TTLL11: variants seen among roughly 807,000 people sequenced by gnomAD.
The protein encoded by TTLL11 is tubulin polyglutamylase TTLL11.
In TTLL11, 42 loss-of-function variants were observed where a neutral mutation model predicts 51.7. The ratio of observed to expected loss-of-function variants is 0.81; its 90% CI spans 0.64 to 1.05. TTLL11 has a LOEUF of 1.05. TTLL11 is among the 50% of genes least tolerant of loss of function. TTLL11 has a pLI of 0.00. For synonymous variants in TTLL11, 381 were observed against 383.5 expected (o/e 0.99, Z 0.08); for missense variants, 799 against 940.4 (o/e 0.85, Z 1.97).
chr9:122,066,166 G>C (rs369860907), intron 1 of TTLL11, among the ~76,000 whole-genome samples: 19 of 151,684 alleles, frequency 1.3e-4, no homozygotes, highest in African/African-American at 3.9e-4. Context: ...CCAGCTCAAA[G>C]GCTGGTGGAC....
intron 7 of TTLL11, among the ~76,000 whole-genome samples, chr9:121,861,035 T>C (rs1038566238): frequency 6.6e-6 from 1 of 151,984 alleles, no homozygotes; most frequent in Admixed American, 6.5e-5. Context: ...TTTGGTTAGT[T>C]ATGGGTCTAA....
chr9:122,002,923 C>A (rs1385719414), intron 3 of TTLL11, among the ~76,000 whole-genome samples: 3 of 113,812 alleles, frequency 2.6e-5, no homozygotes, highest in African/African-American at 1.2e-4. Flanking sequence ...TCCAGCCTGG[C>A]AACAGAGTGA....
At chr9:121,896,354 AC>A (rs892593580) in intron 6 of TTLL11, among the ~76,000 whole-genome samples, 19 of 151,874 alleles carry the variant, frequency 1.3e-4, no homozygotes, top group African/African-American at 4.1e-4. Context: ...CCAGGAACCC[AC>A]CCCTCAGCCC....
At chr9:121,861,087 G>T (rs1837990611) in intron 7 of TTLL11, among the ~76,000 whole-genome samples, 1 of 130,994 alleles carries the variant, frequency 7.6e-6, no homozygotes. Context: ...CAAGGCAAGT[G>T]TTTTTTTTTT....
intron 1 of TTLL11, among the ~76,000 whole-genome samples, chr9:122,089,261 C>T (rs755382674): frequency 4.6e-5 from 7 of 152,150 alleles, no homozygotes; most frequent in Non-Finnish European, 4.4e-5. Context: ...TCCCCAAACC[C>T]ACAGCAACAC....
chr9:122,025,672 G>A (rs1241076348), intron 3 of TTLL11, among the ~76,000 whole-genome samples: 1 of 152,146 alleles, frequency 6.6e-6, no homozygotes, highest in Non-Finnish European at 1.5e-5. Flanking sequence ...AAGATATGGA[G>A]GAATTGGAAT....
At chr9:122,031,665 A>G (rs1246420626) in intron 3 of TTLL11, 58 bp downstream of exon 3, 5 of 1,583,208 alleles carry the variant, frequency 3.2e-6, no homozygotes, top group Non-Finnish European at 4.3e-6. Context: ...CACAGGACCC[A>G]GGACACAGTT....
chr9:122,027,231 G>A (rs943840702), intron 3 of TTLL11, among the ~76,000 whole-genome samples: 2 of 152,096 alleles, frequency 1.3e-5, no homozygotes, highest in African/African-American at 4.8e-5. Context: ...AACACCAAGG[G>A]GGGAAATCTG....
At chr9:121,902,900 T>A (rs1839821868) in intron 6 of TTLL11, among the ~76,000 whole-genome samples, 1 of 152,106 alleles carries the variant, frequency 6.6e-6, no homozygotes, top group African/African-American at 2.4e-5. Context: ...TTTCTCTCTC[T>A]CACAGAGTCA....
rs71370698 is a variant in TTLL11 at position 121,873,614 on chromosome 9, G to GCCT, written c.1482-2869_1482-2867dup. ...GGCATGAGCCACCGTGCCCAGTCCC[G>GCCT]CCTCCTCCTCCTCCTCCTCCTCCTC... On this transcript the variant is annotated intron_variant, in intron 6 of 8. Transcript: ENST00000321582. 7.1e-4 allele frequency among the ~76,000 whole-genome samples: 102 copies of GCCT among 144,126 alleles called. No homozygotes were observed. In the South Asian group the frequency reaches 7.8e-3, roughly 11 times the overall value. The allele number at this position is 144,126 out of a possible 152,430, so 94.6% of individuals were successfully genotyped here.
At chr9:121,848,354 A>G (rs1442721224) in intron 8 of TTLL11, among the ~76,000 whole-genome samples, 1 of 151,134 alleles carries the variant, frequency 6.6e-6, no homozygotes, top group Non-Finnish European at 1.5e-5. Context: ...AGGAAGAAAA[A>G]GTCCCCCCCC....
At chr9:122,024,440 T>A (rs1420415674) in intron 3 of TTLL11, among the ~76,000 whole-genome samples, 1 of 152,174 alleles carries the variant, frequency 6.6e-6, no homozygotes, top group Non-Finnish European at 1.5e-5. Context: ...AAGCTGATTC[T>A]ATATTTCATA....
intron 1 of TTLL11, among the ~76,000 whole-genome samples, chr9:122,051,141 A>G (rs1307951998): frequency 1.3e-5 from 2 of 152,212 alleles, no homozygotes; most frequent in Admixed American, 1.3e-4. Context: ...TAATGAATAT[A>G]ATAATTACTA....
In TTLL11 at chr9:121,819,765, C is replaced by T. The variant is rs1478883964; in HGVS notation, c.*2822G>A. Among the ~76,000 whole-genome samples the T allele has an allele frequency of 6.6e-6, 1 of 152,162 alleles. No homozygotes were observed. The highest frequency in any genetic ancestry group is 1.5e-5 in the Non-Finnish European group (1 of 68,030). The stretch of plus-strand genomic sequence containing the variant: ...CTCCCGGCTCTACTTCCTATCTTCT[C>T]GGAGGAAGGAACCATCTGCTTTTGC... On this transcript the variant is annotated 3_prime_UTR_variant, in exon 9 of 9. Transcript: ENST00000321582.
At chr9:122,003,207 A>C (rs926842967) in intron 3 of TTLL11, among the ~76,000 whole-genome samples, 1 of 152,154 alleles carries the variant, frequency 6.6e-6, no homozygotes, top group African/African-American at 2.4e-5. Flanking sequence ...TGTCAAAGAG[A>C]GATGATCATA....
intron 6 of TTLL11, among the ~76,000 whole-genome samples, chr9:121,911,146 A>G (rs566115948): frequency 6.6e-6 from 1 of 152,328 alleles, no homozygotes; most frequent in South Asian, 2.1e-4. Context: ...GGCTCATGCC[A>G]GCCCTTTGGG....
At chr9:121,982,316 G>A (rs1842844507) in intron 4 of TTLL11, among the ~76,000 whole-genome samples, 1 of 152,096 alleles carries the variant, frequency 6.6e-6, no homozygotes, top group Non-Finnish European at 1.5e-5. Context: ...ATATATTTCT[G>A]GTAGTCTAGT....
At chr9:121,856,756 C>T (rs935745607) in intron 8 of TTLL11, among the ~76,000 whole-genome samples, 2 of 152,170 alleles carry the variant, frequency 1.3e-5, no homozygotes, top group African/African-American at 4.8e-5. Context: ...TGGGGAAAGC[C>T]GTCTCCCTCA....
At chr9:121,895,304 G>A (rs1839418261) in intron 6 of TTLL11, among the ~76,000 whole-genome samples, 1 of 151,820 alleles carries the variant, frequency 6.6e-6, no homozygotes, top group Admixed American at 6.6e-5. Context: ...GTGTAGCTGT[G>A]TTTGTGTATG....
Sources: gnomAD v4.1 joint callset for allele counts (sites outside exome capture counted in the v4.1 genomes callset) on GRCh38, gnomAD v4.1.1 for gene constraint, MANE v1.5 for transcripts, NCBI Gene and HGNC (gene_info 2026-07-23, HGNC 2026-07-21) for gene names.